The following TUT4 variants were observed in gnomAD, a reference collection of about 807,000 sequenced individuals.
The protein encoded by TUT4 is terminal uridylyltransferase 4.
In TUT4, 36 loss-of-function variants were observed where a neutral mutation model predicts 192.2. The observed-to-expected ratio is 0.19, with a 90% CI of 0.14 to 0.25. The LOEUF is 0.25. TUT4 is among the 10% of genes least tolerant of loss of function. The probability of loss-of-function intolerance (pLI) is 1.00; values close to 1 mark genes in which losing one functional copy is unlikely to be tolerated. For missense variants in TUT4, 1,493 were observed against 1,957.2 expected, an observed-to-expected ratio of 0.76 and a Z score of 4.47; for synonymous variants, 618 against 666.0, an observed-to-expected ratio of 0.93 and a Z score of 1.11.
At chr1:52,521,472 C>T (rs1392310932) in intron 2 of TUT4, among the ~76,000 whole-genome samples, 2 of 151,694 alleles carry the variant, frequency 1.3e-5, no homozygotes, top group Non-Finnish European at 2.9e-5. Flanking sequence ...CAAGACCAGC[C>T]TGGCTAACAT....
intron 20 of TUT4, among the ~76,000 whole-genome samples, chr1:52,457,726 A>G (rs1351572085): frequency 1.3e-5 from 2 of 152,240 alleles, no homozygotes; most frequent in East Asian, 3.8e-4. Flanking sequence ...ATGGATGATT[A>G]ATATCTCCTT....
At chr1:52,508,280 T>C (rs988355585) in intron 4 of TUT4, among the ~76,000 whole-genome samples, 4 of 149,992 alleles carry the variant, frequency 2.7e-5, no homozygotes, top group Non-Finnish European at 5.9e-5. Context: ...TGAGCCAAGA[T>C]TGCACCACTG....
At chr1:52,484,328 A>G (rs115788353) in intron 9 of TUT4, among the ~76,000 whole-genome samples, 6,387 of 152,342 alleles carry the variant, frequency 0.042, 180 homozygotes, top group Non-Finnish European at 0.062. Flanking sequence ...ATTAGATGTT[A>G]TAAGTAATCT....
At chr1:52,510,999 T>G (rs922781072) in intron 3 of TUT4, among the ~76,000 whole-genome samples, 1 of 152,258 alleles carries the variant, frequency 6.6e-6, no homozygotes, top group Non-Finnish European at 1.5e-5. Flanking sequence ...TATTTCAGAT[T>G]GATTTATGAT....
At chr1:52,513,252 A>T (rs1420064312) in intron 3 of TUT4, among the ~76,000 whole-genome samples, 1 of 151,242 alleles carries the variant, frequency 6.6e-6, no homozygotes, top group Non-Finnish European at 1.5e-5. Flanking sequence ...AATACAAAAA[A>T]CTAGCAGGCT....
intron 1 of TUT4, among the ~76,000 whole-genome samples, chr1:52,536,929 G>GC (rs1372668522): frequency 5.3e-5 from 8 of 152,134 alleles, no homozygotes; most frequent in Non-Finnish European, 1.0e-4. Flanking sequence ...ACTTTGGGAG[G>GC]CCAAGGCAGG....
At chr1:52,528,251 T>G (rs1029282924) in intron 1 of TUT4, among the ~76,000 whole-genome samples, 10 of 150,880 alleles carry the variant, frequency 6.6e-5, no homozygotes, top group Admixed American at 6.6e-5. Flanking sequence ...TCCCAACATT[T>G]TGGGAGGCCG....
At chr1:52,528,967 T>C (rs1459196535) in intron 1 of TUT4, among the ~76,000 whole-genome samples, 1 of 151,962 alleles carries the variant, frequency 6.6e-6, no homozygotes, top group Non-Finnish European at 1.5e-5. Context: ...CCCATCTCAG[T>C]CTCCCAAAGC....
intron 2 of TUT4, 99 bp downstream of exon 2, chr1:52,525,464 C>A: frequency 1.4e-6 from 2 of 1,430,358 alleles, no homozygotes; most frequent in South Asian, 3.0e-5. Context: ...AAGTGCTAAA[C>A]AATTATGTAT....
At chr1:52,449,940 G>C (rs935987133) in intron 20 of TUT4, among the ~76,000 whole-genome samples, 7 of 152,106 alleles carry the variant, frequency 4.6e-5, no homozygotes, top group Non-Finnish European at 1.0e-4. Flanking sequence ...CATTCATTAA[G>C]TTGCAAATTT....
chr1:52,444,855 T>G (rs1656901714), intron 24 of TUT4, among the ~76,000 whole-genome samples: 1 of 151,050 alleles, frequency 6.6e-6, no homozygotes, highest in Non-Finnish European at 1.5e-5. Context: ...TATGGGACCT[T>G]GTGATCATGT....
rs189751736 is a variant in TUT4, at chr1:52,462,434, C to T, written c.3070-665G>A. The T allele has an allele frequency of 3.3e-5, 5 of 152,602 alleles. No homozygotes were observed. In the East Asian group the frequency reaches 9.6e-4, roughly 29 times the overall value. 9.5% of individuals were successfully genotyped at this position (152,602 alleles called of 1,614,324 possible). ...ATCTCCTGACCTCGTGATCCGCCCG[C>T]CTCAGCCTCCCAAAGTGCTGGGATT... On this transcript the variant is annotated intron_variant, in intron 16 of 29. Transcript: ENST00000257177.
intron 4 of TUT4, among the ~76,000 whole-genome samples, chr1:52,499,108 AAAC>A (rs1242676088): frequency 4.0e-5 from 6 of 151,448 alleles, no homozygotes; most frequent in Non-Finnish European, 7.4e-5. Context: ...ATAGTAATCA[AAAC>A]AACATGGCCA....
chr1:52,519,936 T>C (rs1208248456), intron 2 of TUT4, among the ~76,000 whole-genome samples: 1 of 152,090 alleles, frequency 6.6e-6, no homozygotes, highest in Non-Finnish European at 1.5e-5. Context: ...GGAGAATTGC[T>C]TGAACCCGGG....
At chr1:52,537,730 T>A (rs1685322458) in intron 1 of TUT4, among the ~76,000 whole-genome samples, 1 of 151,988 alleles carries the variant, frequency 6.6e-6, no homozygotes, top group African/African-American at 2.4e-5. Context: ...CTGGCCAACA[T>A]GGCGAAATCC....
intron 2 of TUT4, among the ~76,000 whole-genome samples, chr1:52,523,873 G>A (rs141250470): frequency 6.8e-4 from 103 of 152,198 alleles, no homozygotes; most frequent in African/African-American, 2.2e-3. Context: ...AGCTATTTCA[G>A]AATTCTTTAC....
chr1:52,475,635 A>G (rs1666879073), intron 12 of TUT4, 100 bp from the exon 13 acceptor site: 5 of 1,145,488 alleles, frequency 4.4e-6, no homozygotes, highest in African/African-American at 1.6e-5. Context: ...TCAGGAGAAT[A>G]CATTTTCCCA....
chr1:52,487,757 A>C (rs867156030), intron 9 of TUT4, among the ~76,000 whole-genome samples: 10 of 152,162 alleles, frequency 6.6e-5, no homozygotes, highest in Non-Finnish European at 1.0e-4. Flanking sequence ...AACAAACAAA[A>C]AAAAACACAA....
chr1:52,453,382 C>CA (rs555590629), intron 20 of TUT4, among the ~76,000 whole-genome samples: 1,707 of 131,526 alleles, frequency 0.013, 27 homozygotes, highest in African/African-American at 0.042. Flanking sequence ...AACTCCGTCT[C>CA]AAAAAAAAAA....
Sources: allele counts gnomAD v4.1 joint callset (sites outside exome capture counted in the v4.1 genomes callset), GRCh38; gene constraint gnomAD v4.1.1; transcripts MANE v1.5; gene names NCBI Gene and HGNC (gene_info 2026-07-23, HGNC 2026-07-21).